Variants in KIF27 observed in about 807,000 individuals in gnomAD.
KIF27 encodes kinesin-like protein KIF27.
KIF27 carries 84 observed loss-of-function variants against 141.8 expected under a neutral mutation model. The ratio of observed to expected loss-of-function variants is 0.59; its 90% confidence interval spans 0.50 to 0.71. The LOEUF is 0.71. Among genes scored for constraint, KIF27 ranks in the 30% least tolerant of loss-of-function variants. The pLI is 0.00. For missense variants in KIF27, 1,306 were observed against 1,628.4 expected (o/e 0.80, Z 3.41); for synonymous variants, 471 against 569.5 (o/e 0.83, Z 2.46).
At chr9:83,892,232 G>C (rs1166746010) in intron 5 of KIF27, among the ~76,000 whole-genome samples, 3 of 151,970 alleles carry the variant, frequency 2.0e-5, no homozygotes, top group Admixed American at 1.3e-4. Flanking sequence ...CTACAATGTT[G>C]AAATAGGAAA....
intron 14 of KIF27, chr9:83,858,688 G>C (rs1246614426): frequency 6.3e-6 from 1 of 159,392 alleles, no homozygotes; most frequent in Middle Eastern, 3.2e-3. Flanking sequence ...GCTGGACATA[G>C]TATGGACACT....
At chr9:83,853,579 C>T (rs768431842) in intron 15 of KIF27, 50 bp downstream of exon 15, 2 of 1,217,104 alleles carry the variant, frequency 1.6e-6, no homozygotes, top group South Asian at 2.5e-5. Context: ...AGGATGTAAG[C>T]ATCTTGACCC....
At chr9:83,874,121 C>T (rs1302914330) in intron 11 of KIF27, among the ~76,000 whole-genome samples, 1 of 151,624 alleles carries the variant, frequency 6.6e-6, no homozygotes, top group Non-Finnish European at 1.5e-5. Flanking sequence ...ATGCCTTTTT[C>T]CTTACATTGT....
At chr9:83,887,425 C>G (rs1952212370) in intron 8 of KIF27, among the ~76,000 whole-genome samples, 1 of 152,118 alleles carries the variant, frequency 6.6e-6, no homozygotes, top group Non-Finnish European at 1.5e-5. Flanking sequence ...TGTATATATT[C>G]TTTCTTAATA....
chr9:83,839,829 G>A (rs1946355534), intron 17 of KIF27, among the ~76,000 whole-genome samples: 1 of 152,168 alleles, frequency 6.6e-6, no homozygotes, highest in Non-Finnish European at 1.5e-5. Flanking sequence ...TGTAATCCCA[G>A]CTACTGAGTA....
At position 83,848,109 on chromosome 9, in the gene KIF27, C is replaced by CATAT. The variant is rs375222138; in HGVS notation, c.3556+1986_3556+1989dup. Among the ~76,000 whole-genome samples, 14 of 24,504 alleles carry CATAT rather than the reference C, an allele frequency of 5.7e-4. 2 individuals carry two copies. Among genetic ancestry groups the CATAT allele is most frequent in the Non-Finnish European group, 6.9e-4 (10 of 14,440 alleles). The allele number at this position is 24,504 out of a possible 152,430, so 16.1% of individuals were successfully genotyped here. A position where few individuals can be genotyped will look rare whatever the true frequency, so the allele number is the denominator to read the frequency against. ...CATATATATGATATATATGATATCT[C>CATAT]ATATCTGATATATCTGATATCTCAT... On this transcript the variant is annotated intron_variant, in intron 16 of 17. Coordinates refer to ENST00000297814, the MANE Select transcript of KIF27 (RefSeq NM_017576.4).
chr9:83,850,368 G>T (rs1948406154), intron 15 of KIF27, 71 bp from the exon 16 acceptor site: 1 of 936,772 alleles, frequency 1.1e-6, no homozygotes, highest in Non-Finnish European at 1.6e-6. Flanking sequence ...CTTTTCTTAG[G>T]CTACTTCAAG....
intron 1 of KIF27, among the ~76,000 whole-genome samples, chr9:83,920,001 G>A (rs530802729): frequency 1.3e-5 from 2 of 151,890 alleles, no homozygotes; most frequent in Non-Finnish European, 2.9e-5. Context: ...GGAGGCCAAG[G>A]CAGGTGGATC....
intron 9 of KIF27, among the ~76,000 whole-genome samples, chr9:83,886,470 C>T (rs1003571591): frequency 3.3e-5 from 5 of 152,084 alleles, no homozygotes; most frequent in African/African-American, 1.2e-4. Context: ...TCACTGAAGA[C>T]TTCTCTTGAA....
At chr9:83,869,691 C>T (rs903776349) in intron 12 of KIF27, among the ~76,000 whole-genome samples, 3 of 152,104 alleles carry the variant, frequency 2.0e-5, no homozygotes, top group Non-Finnish European at 4.4e-5. Context: ...CATGCCACAG[C>T]ACTCCAGCCT....
At chr9:83,858,042 A>C (rs1949458930) in intron 14 of KIF27, among the ~76,000 whole-genome samples, 1 of 151,380 alleles carries the variant, frequency 6.6e-6, no homozygotes, top group African/African-American at 2.4e-5. Context: ...AATTCCTTAA[A>C]TATTTGAATT....
At chr9:83,892,673 A>G (rs1185829889) in intron 5 of KIF27, among the ~76,000 whole-genome samples, 1 of 152,198 alleles carries the variant, frequency 6.6e-6, no homozygotes, top group African/African-American at 2.4e-5. Flanking sequence ...TACAAGAAAC[A>G]TATCTAAAAT....
intron 6 of KIF27, among the ~76,000 whole-genome samples, chr9:83,890,248 C>T (rs1952541851): frequency 6.6e-6 from 1 of 152,190 alleles, no homozygotes; most frequent in East Asian, 1.9e-4. Flanking sequence ...CTTCTGCTGT[C>T]AGTCACCTAA....
chr9:83,874,217 C>T (rs957453917), intron 11 of KIF27, among the ~76,000 whole-genome samples: 6 of 152,256 alleles, frequency 3.9e-5, no homozygotes, highest in South Asian at 2.1e-4. Flanking sequence ...ATTTAGCCCT[C>T]ACAACAATCC....
rs751057021 is a variant in KIF27 at position 83,903,042 on chromosome 9, T to TA, written c.1458+17dup. 23 of 1,436,638 alleles carry TA rather than the reference T, an allele frequency of 1.6e-5. No homozygotes were observed. In the Admixed American group the frequency reaches 3.9e-4, roughly 24 times the overall value. The allele number at this position is 1,436,638 out of a possible 1,614,324, so 89.0% of individuals were successfully genotyped here. A position where few individuals can be genotyped will look rare whatever the true frequency, so the allele number is the denominator to read the frequency against. On this transcript the variant is annotated intron_variant, in intron 4 of 17. Coordinates refer to ENST00000297814, the MANE Select transcript of KIF27 (RefSeq NM_017576.4). ...TCAATAAAATAAATAAATAAATAAA[T>TA]AAGTGATGTCTAAGTACCTGGCATT...
At position 83,889,080 on chromosome 9, in the gene KIF27, A is replaced by G. The variant is rs1435479058; in HGVS notation, c.1979+4T>C. ...TTTATTAAATCAGTGTATATTTAAC[A>G]TACCTAGTTCCAGATTTCTCTTGGC... On this transcript the variant is annotated splice_donor_region_variant and intron_variant, in intron 7 of 17. Coordinates refer to ENST00000297814, the MANE Select transcript of KIF27 (RefSeq NM_017576.4). 1 of 1,609,902 alleles carries G rather than the reference A, an allele frequency of 6.2e-7. No individual in the cohort carries two copies. Among genetic ancestry groups the G allele is most frequent in the African/African-American group, 1.3e-5 (1 of 74,810 alleles).
chr9:83,878,161 CAAAAAAAAAA>C (rs58897060), intron 11 of KIF27, among the ~76,000 whole-genome samples: 14,307 of 38,228 alleles, frequency 0.37, 1,217 homozygotes, highest in Non-Finnish European at 0.39. Flanking sequence ...GACTCTGTCT[CAAAAAAAAAA>C]AAAAAAAAAA....
chr9:83,889,084 C>T lies in KIF27; in HGVS notation c.1979G>A (p.Arg660Lys). The T allele has an allele frequency of 1.2e-6, 2 of 1,609,596 alleles. No individual in the cohort carries two copies. The highest frequency in any genetic ancestry group is 1.7e-6 in the Non-Finnish European group (2 of 1,177,224). Residue 660 changes from arginine to lysine, a missense_variant and splice_region_variant, in exon 7 of 18, where the codon AGA becomes AAA. By Grantham distance (26) the Arg-to-Lys change is conservative. Coordinates refer to ENST00000297814, the MANE Select transcript of KIF27 (RefSeq NM_017576.4). ...ESEGQEKSGT[R>K]CRSRSWIQKP... ...TTAAATCAGTGTATATTTAACATAC[C>T]TAGTTCCAGATTTCTCTTGGCCTTC...
intron 5 of KIF27, among the ~76,000 whole-genome samples, chr9:83,896,101 G>C (rs1466301162): frequency 6.7e-6 from 1 of 149,804 alleles, no homozygotes; most frequent in African/African-American, 2.4e-5. Flanking sequence ...TTTATAGCCA[G>C]GCATGGCAGC....
Sources: gnomAD v4.1 joint callset for allele counts (sites outside exome capture counted in the v4.1 genomes callset) on GRCh38, gnomAD v4.1.1 for gene constraint, MANE v1.5 for transcripts, NCBI Gene and HGNC (gene_info 2026-07-23, HGNC 2026-07-21) for gene names.